MRPL42: variants seen among roughly 807,000 people sequenced by gnomAD.
MRPL42 encodes the protein large ribosomal subunit protein mL42.
Under a neutral mutation model 17.9 loss-of-function variants are expected in MRPL42, and 17 were observed. The ratio of observed to expected loss-of-function variants is 0.95; its 90% confidence interval spans 0.65 to 1.42. MRPL42 has a LOEUF of 1.42. Among genes scored for constraint, MRPL42 ranks in the 40% most tolerant of loss-of-function variants. MRPL42 has a pLI of 0.00. For synonymous variants in MRPL42, 59 were observed against 54.4 expected, an observed-to-expected ratio of 1.08 and a Z score of -0.37; for missense variants, 177 against 175.2, an observed-to-expected ratio of 1.01 and a Z score of -0.06.
rs1165881571 is a variant in MRPL42 at position 93,481,051 on chromosome 12, A to G, written c.219+1579A>G. ...CCTTTGTCCATTGTTATTTTGTTAA[A>G]TATCTTCGGTTTATTTGCTGTGTTT... On this transcript the variant is annotated intron_variant, in intron 4 of 5. Coordinates refer to ENST00000549982, the MANE Select transcript of MRPL42 (RefSeq NM_014050.4). 2.0e-5 allele frequency among the ~76,000 whole-genome samples: 3 copies of G among 152,144 alleles called. No homozygotes were observed. In the South Asian group the frequency reaches 6.2e-4, roughly 31 times the overall value.
intron 5 of MRPL42, among the ~76,000 whole-genome samples, chr12:93,494,421 C>T (rs147074143): frequency 1.4e-3 from 211 of 152,244 alleles, no homozygotes; most frequent in African/African-American, 4.7e-3. Flanking sequence ...TAACAAGATT[C>T]GCTAATAGAC....
Position 93,469,194 on chromosome 12 carries a change from G to T in MRPL42, c.-92G>T, listed in dbSNP as rs140817987. On this transcript the variant is annotated splice_region_variant and 5_prime_UTR_variant, in exon 2 of 6. Coordinates refer to ENST00000549982, the MANE Select transcript of MRPL42 (RefSeq NM_014050.4). ...ATTTTTCTTTATCTCTTCAGCAGGA[G>T]TAGAAATTGGTATGCTTAGAAGCAG... 2,278 of 939,604 alleles carry T rather than the reference G, an allele frequency of 2.4e-3. 76 individuals carry two copies. The Admixed American group carries it at 0.05, about 21-fold the overall frequency. The allele number at this position is 939,604 out of a possible 1,614,324, so 58.2% of individuals were successfully genotyped here.
At chr12:93,470,006 C>G (rs1451474133) in intron 2 of MRPL42, among the ~76,000 whole-genome samples, 2 of 149,860 alleles carry the variant, frequency 1.3e-5, no homozygotes, top group African/African-American at 4.9e-5. Context: ...CGGAGTCTGG[C>G]TCTGTCGCCC....
chr12:93,487,715 G>A (rs1238274559), intron 5 of MRPL42, 55 bp downstream of exon 5: 8 of 1,412,460 alleles, frequency 5.7e-6, no homozygotes, highest in African/African-American at 1.5e-5. Flanking sequence ...AGGAACACAT[G>A]GATTTTCTTG....
chr12:93,495,715 A>G (rs1441346805), intron 5 of MRPL42, among the ~76,000 whole-genome samples: 2 of 152,218 alleles, frequency 1.3e-5, no homozygotes, highest in Non-Finnish European at 2.9e-5. Flanking sequence ...AAGTGGGGCA[A>G]CACTTCTGGA....
intron 4 of MRPL42, among the ~76,000 whole-genome samples, chr12:93,485,731 C>G (rs1033591594): frequency 6.6e-6 from 1 of 152,098 alleles, no homozygotes; most frequent in Non-Finnish European, 1.5e-5. Context: ...ATGTTACAAT[C>G]TTTGTTACAT....
chr12:93,472,735 G>T (rs1268299606), intron 2 of MRPL42, among the ~76,000 whole-genome samples: 2 of 152,150 alleles, frequency 1.3e-5, no homozygotes, highest in East Asian at 3.8e-4. Flanking sequence ...ATTCTAGAAG[G>T]AATATTTTAA....
intron 4 of MRPL42, among the ~76,000 whole-genome samples, chr12:93,484,977 CACATATATATATATATAT>C (rs1189476463): frequency 0.011 from 322 of 28,604 alleles, 49 homozygotes; most frequent in African/African-American, 0.029. Context: ...CACACACACA[CACATATATATATATATAT>C]ATATATATAT....
chr12:93,478,712 G>A (rs1880305725), intron 3 of MRPL42, among the ~76,000 whole-genome samples: 1 of 152,082 alleles, frequency 6.6e-6, no homozygotes, highest in Non-Finnish European at 1.5e-5. Flanking sequence ...GTTCATTGTA[G>A]CCATGTTATG....
intron 5 of MRPL42, among the ~76,000 whole-genome samples, chr12:93,490,879 T>A (rs186200590): frequency 6.6e-6 from 1 of 152,258 alleles, no homozygotes; most frequent in East Asian, 1.9e-4. Flanking sequence ...TAAAACACAT[T>A]TTATTTTTAT....
intron 5 of MRPL42, among the ~76,000 whole-genome samples, chr12:93,496,220 G>A (rs752870574): frequency 4.2e-4 from 64 of 151,840 alleles, no homozygotes; most frequent in Non-Finnish European, 7.7e-4. Context: ...CACAACACCC[G>A]GCTAATTTTT....
intron 4 of MRPL42, among the ~76,000 whole-genome samples, chr12:93,482,560 G>A (rs1466830997): frequency 6.6e-6 from 1 of 152,118 alleles, no homozygotes; most frequent in Non-Finnish European, 1.5e-5. Flanking sequence ...AGGGCTAAGA[G>A]ACATTCACAT....
chr12:93,478,526 T>C (rs1880294162), intron 3 of MRPL42, among the ~76,000 whole-genome samples: 1 of 152,148 alleles, frequency 6.6e-6, no homozygotes, highest in Admixed American at 6.6e-5. Context: ...GGATTACAGA[T>C]GTGAGCTACC....
intron 4 of MRPL42, among the ~76,000 whole-genome samples, chr12:93,485,015 T>TACAC (rs1880666922): frequency 3.5e-5 from 3 of 85,814 alleles, no homozygotes; most frequent in Non-Finnish European, 6.5e-5. Flanking sequence ...TATATATATA[T>TACAC]ATATATATAT....
intron 2 of MRPL42, among the ~76,000 whole-genome samples, chr12:93,473,771 T>C (rs1260521692): frequency 6.6e-6 from 1 of 152,122 alleles, no homozygotes; most frequent in Non-Finnish European, 1.5e-5. Context: ...TTTTGCCATG[T>C]TGCCCAGGCT....
rs911959915 is a variant in MRPL42 at position 93,514,916 on chromosome 12, A to G, written c.*13695A>G. ...GTGCCAATAATGCATTACATTTTTT[A>G]GCAGTCATGTCATCCTCTTGATTTG... On this transcript the variant is annotated 3_prime_UTR_variant, in exon 6 of 6. Coordinates refer to ENST00000549982, the MANE Select transcript of MRPL42 (RefSeq NM_014050.4). 6.6e-6 allele frequency: 1 copy of G among 152,100 alleles called. No individual in the cohort carries two copies. The highest frequency in any genetic ancestry group is 2.4e-5 in the African/African-American group (1 of 41,390). 9.4% of individuals were successfully genotyped at this position (152,100 alleles called of 1,614,324 possible). A position where few individuals can be genotyped will look rare whatever the true frequency, so the allele number is the denominator to read the frequency against.
intron 5 of MRPL42, among the ~76,000 whole-genome samples, chr12:93,494,139 T>C (rs1264426309): frequency 1.3e-5 from 2 of 150,640 alleles, no homozygotes; most frequent in Admixed American, 6.6e-5. Flanking sequence ...CCAAATCATG[T>C]AGGTAGTTGT....
chr12:93,485,507 T>A (rs1880700990), intron 4 of MRPL42, among the ~76,000 whole-genome samples: 1 of 151,996 alleles, frequency 6.6e-6, no homozygotes, highest in African/African-American at 2.4e-5. Flanking sequence ...TGCTATAATA[T>A]TTAATACAGT....
intron 2 of MRPL42, 76 bp downstream of exon 2, chr12:93,469,431 T>C (rs918907527): frequency 2.0e-6 from 2 of 999,914 alleles, no homozygotes; most frequent in African/African-American, 3.3e-5. Context: ...ATTTAGTTAT[T>C]GTATATGCCT....
Sources: allele counts gnomAD v4.1 joint callset (sites outside exome capture counted in the v4.1 genomes callset), GRCh38; gene constraint gnomAD v4.1.1; transcripts MANE v1.5; gene names NCBI Gene and HGNC (gene_info 2026-07-23, HGNC 2026-07-21).